Variants in MTHFD1L observed in about 807,000 individuals in gnomAD.
MTHFD1L encodes monofunctional C1-tetrahydrofolate synthase, mitochondrial.
In MTHFD1L, 81 loss-of-function variants were observed where a neutral mutation model predicts 119.5. The ratio of observed to expected loss-of-function variants is 0.68; its 90% CI spans 0.57 to 0.82. The LOEUF is 0.82. Ranked by LOEUF, MTHFD1L falls within the 40% of genes least tolerant of loss-of-function variation. The probability of loss-of-function intolerance (pLI) is 0.00; values close to 1 mark genes in which losing one functional copy is unlikely to be tolerated. For synonymous variants in MTHFD1L, 430 were observed against 475.2 expected, an observed-to-expected ratio of 0.90 and a Z score of 1.24; for missense variants, 1,125 against 1,253.4, an observed-to-expected ratio of 0.90 and a Z score of 1.55.
rs1778189560 is a variant in MTHFD1L, at chr6:150,865,787, A to G, written c.-36A>G. 1 of 1,282,546 alleles carries G rather than the reference A, an allele frequency of 7.8e-7. No homozygotes were observed. The highest frequency in any genetic ancestry group is 3.4e-5 in the Admixed American group (1 of 29,208). The allele number at this position is 1,282,546 out of a possible 1,614,324, so 79.4% of individuals were successfully genotyped here. The stretch of plus-strand genomic sequence containing the variant: ...GCGCCCCGCCGCCCTCGGCAGCCGC[A>G]GCTCCGTGTCCCCTGAGAACCAGCC... On this transcript the variant is annotated 5_prime_UTR_variant, in exon 1 of 28. Coordinates refer to ENST00000367321, the MANE Select transcript of MTHFD1L (RefSeq NM_015440.5).
intron 21 of MTHFD1L, among the ~76,000 whole-genome samples, chr6:151,013,411 T>A (rs1467660538): frequency 6.6e-6 from 1 of 152,242 alleles, no homozygotes; most frequent in Non-Finnish European, 1.5e-5. Context: ...TGATGTACTC[T>A]GTATAAATCA....
intron 7 of MTHFD1L, among the ~76,000 whole-genome samples, chr6:150,899,589 G>A (rs1365281905): frequency 6.6e-6 from 1 of 152,134 alleles, no homozygotes; most frequent in African/African-American, 2.4e-5. Context: ...CAGGGGAAAG[G>A]TAGATACAGA....
At chr6:150,945,344 A>C (rs943478060) in intron 14 of MTHFD1L, 123 bp from the exon 15 acceptor site, 31 of 693,772 alleles carry the variant, frequency 4.5e-5, no homozygotes, top group Non-Finnish European at 6.8e-5. Flanking sequence ...ACAAATTTTA[A>C]TAGGGTCTTT....
chr6:150,979,626 A>C (rs528399634), intron 20 of MTHFD1L, among the ~76,000 whole-genome samples: 3 of 152,070 alleles, frequency 2.0e-5, no homozygotes, highest in Middle Eastern at 3.4e-3. Flanking sequence ...TTAGCCTCCC[A>C]AGTAGCTGGG....
rs80011663 is a variant in MTHFD1L, at chr6:151,088,328, C to T, written c.2848-4139C>T. 28 of 152,232 alleles carry T rather than the reference C, an allele frequency of 1.8e-4. 1 individual carries two copies. In the East Asian group the frequency reaches 3.9e-3, roughly 21 times the overall value. 9.4% of individuals were successfully genotyped at this position (152,232 alleles called of 1,614,324 possible). A position where few individuals can be genotyped will look rare whatever the true frequency, so the allele number is the denominator to read the frequency against. On this transcript the variant is annotated intron_variant, in intron 26 of 27. Coordinates refer to ENST00000367321, the MANE Select transcript of MTHFD1L (RefSeq NM_015440.5). ...CTGCACTTCTTGGAAGAGATGATTG[C>T]GTCACTTGAAGGGGTCATGGGAGTC...
rs541650197 is a variant in MTHFD1L at position 151,050,194 on chromosome 6, G to A, written c.2847+13077G>A. Among the ~76,000 whole-genome samples, 109 of 152,204 alleles carry A rather than the reference G, an allele frequency of 7.2e-4. 2 individuals carry two copies. The South Asian group carries it at 0.02, about 28-fold the overall frequency. ...TGTTGTTTGTTTGAGACAGAGTCTC[G>A]CTCTGCTGCCCAGGCTGGAATACAA... is the stretch of plus-strand genomic sequence containing the variant. On this transcript the variant is annotated intron_variant, in intron 26 of 27. Transcript: ENST00000367321.
At chr6:150,944,723 T>C in intron 14 of MTHFD1L, 130 bp downstream of exon 14, 1 of 684,274 alleles carries the variant, frequency 1.5e-6, no homozygotes, top group Non-Finnish European at 2.5e-6. Flanking sequence ...TTGTGATTTT[T>C]ACATATGTCC....
At chr6:151,006,187 G>A (rs1057382955) in intron 20 of MTHFD1L, among the ~76,000 whole-genome samples, 25 of 151,782 alleles carry the variant, frequency 1.6e-4, no homozygotes, top group Non-Finnish European at 2.9e-5. Flanking sequence ...GCACACCACA[G>A]GGCCGGGAGG....
At chr6:150,993,355 C>T (rs1187531090) in intron 20 of MTHFD1L, among the ~76,000 whole-genome samples, 2 of 151,988 alleles carry the variant, frequency 1.3e-5, no homozygotes, top group African/African-American at 4.8e-5. Flanking sequence ...CAGTCTTGCC[C>T]TGTTGTCCAG....
At position 150,975,461 on chromosome 6, in the gene MTHFD1L, A is replaced by G. The variant is rs1250392566; in HGVS notation, c.2125+3403A>G. 2.6e-5 allele frequency among the ~76,000 whole-genome samples: 4 copies of G among 152,330 alleles called. No homozygotes were observed. In the East Asian group the frequency reaches 7.7e-4, roughly 29 times the overall value. On this transcript the variant is annotated intron_variant, in intron 20 of 27. Transcript: ENST00000367321. ...CATTCCTTGCCCTTGGATGAAGTTT[A>G]TAATAGTTCCCTCTCATTCTCAGTT...
intron 20 of MTHFD1L, among the ~76,000 whole-genome samples, chr6:150,994,532 A>G (rs942798926): frequency 6.6e-6 from 1 of 152,182 alleles, no homozygotes; most frequent in Non-Finnish European, 1.5e-5. Context: ...TTTTGACAGC[A>G]TCTGTCAGGT....
At chr6:150,866,456 C>T in intron 1 of MTHFD1L, 4 of 1,318,840 alleles carry the variant, frequency 3.0e-6, no homozygotes, top group Non-Finnish European at 3.9e-6. Context: ...GGCGGGGCTG[C>T]GGCTCGGCGC....
At chr6:151,100,914 T>C (rs1032353107) in intron 27 of MTHFD1L, among the ~76,000 whole-genome samples, 1 of 152,086 alleles carries the variant, frequency 6.6e-6, no homozygotes, top group African/African-American at 2.4e-5. Context: ...ATCCCAGCAC[T>C]TTGGGAGGAC....
intron 26 of MTHFD1L, among the ~76,000 whole-genome samples, chr6:151,040,179 T>A (rs1379594608): frequency 6.6e-6 from 1 of 152,134 alleles, no homozygotes; most frequent in Non-Finnish European, 1.5e-5. Context: ...TGTCCTACCC[T>A]CTGAGGACTC....
chr6:150,908,552 A>G (rs1281125795), intron 8 of MTHFD1L, among the ~76,000 whole-genome samples: 1 of 151,278 alleles, frequency 6.6e-6, no homozygotes, highest in East Asian at 2.0e-4. Context: ...GCTTGAACCC[A>G]GGAGGTGGAG....
At chr6:150,901,468 A>AC (rs1785087755) in intron 7 of MTHFD1L, among the ~76,000 whole-genome samples, 1 of 152,172 alleles carries the variant, frequency 6.6e-6, no homozygotes, top group South Asian at 2.1e-4. Context: ...ACAGAGTGAG[A>AC]CCCCGTCTCC....
At chr6:151,089,533 G>A (rs954149936) in intron 26 of MTHFD1L, among the ~76,000 whole-genome samples, 5 of 152,226 alleles carry the variant, frequency 3.3e-5, no homozygotes, top group Admixed American at 3.3e-4. Context: ...AACCCGGGAG[G>A]TGGAGATTGC....
At chr6:150,938,637 G>A (rs982192902) in intron 12 of MTHFD1L, 62 bp from the exon 13 acceptor site, 6 of 1,560,238 alleles carry the variant, frequency 3.8e-6, no homozygotes, top group Non-Finnish European at 5.2e-6. Context: ...CCCTTGGCCT[G>A]TGTCCATCGT....
intron 11 of MTHFD1L, among the ~76,000 whole-genome samples, chr6:150,931,696 A>G (rs1791071700): frequency 6.6e-6 from 1 of 152,234 alleles, no homozygotes; most frequent in Non-Finnish European, 1.5e-5. Flanking sequence ...GTGCTATTCA[A>G]CAAGATTCTG....
Sources: gnomAD v4.1 joint callset for allele counts (sites outside exome capture counted in the v4.1 genomes callset) on GRCh38, gnomAD v4.1.1 for gene constraint, MANE v1.5 for transcripts, NCBI Gene and HGNC (gene_info 2026-07-23, HGNC 2026-07-21) for gene names.